Variants in TAFA4 observed in about 807,000 individuals in gnomAD.
TAFA4 encodes the protein TAFA chemokine like family member 4, also known as chemokine-like protein TAFA-4.
TAFA4 carries 20 observed loss-of-function variants against 21.1 expected under a neutral mutation model. The ratio of observed to expected loss-of-function variants is 0.95; its 90% CI spans 0.67 to 1.38. TAFA4 has a LOEUF of 1.38. TAFA4 is among the 40% of genes most tolerant of loss of function. The pLI, the probability that TAFA4 is intolerant of heterozygous loss-of-function variation, is 0.00. For synonymous variants in TAFA4, 71 were observed against 67.4 expected (o/e 1.05, Z -0.26); for missense variants, 211 against 180.9 (o/e 1.17, Z -0.95).
At chr3:68,843,092 G>C (rs1704702556) in intron 3 of TAFA4, among the ~76,000 whole-genome samples, 3 of 152,118 alleles carry the variant, frequency 2.0e-5, no homozygotes, top group Admixed American at 1.3e-4. Context: ...GTGGTTTGTT[G>C]GGGATAGCGT....
chr3:68,818,187 G>A (rs1344154998), intron 3 of TAFA4, among the ~76,000 whole-genome samples: 1 of 152,116 alleles, frequency 6.6e-6, no homozygotes, highest in Non-Finnish European at 1.5e-5. Context: ...TTATGGAAAT[G>A]GCTTCTTTCT....
At chr3:68,863,899 T>C (rs1057248285) in intron 3 of TAFA4, among the ~76,000 whole-genome samples, 4 of 152,102 alleles carry the variant, frequency 2.6e-5, no homozygotes, top group Non-Finnish European at 5.9e-5. Flanking sequence ...CAATGTATAA[T>C]GAGCACTTTT....
chr3:68,791,841 G>A (rs1169469910), intron 3 of TAFA4, among the ~76,000 whole-genome samples: 1 of 152,182 alleles, frequency 6.6e-6, no homozygotes, highest in Non-Finnish European at 1.5e-5. Context: ...TGAAACTTTT[G>A]TTAGAAACTA....
chr3:68,874,568 G>A (rs1176185623), intron 3 of TAFA4, among the ~76,000 whole-genome samples: 22 of 152,078 alleles, frequency 1.4e-4, no homozygotes, highest in Admixed American at 1.1e-3. Flanking sequence ...GTCTAAGGCC[G>A]TGGCTTGAAA....
chr3:68,849,677 A>G (rs1704896364), intron 3 of TAFA4, among the ~76,000 whole-genome samples: 1 of 152,202 alleles, frequency 6.6e-6, no homozygotes, highest in South Asian at 2.1e-4. Flanking sequence ...ATCTATAATC[A>G]TGACGTATAA....
intron 1 of TAFA4, among the ~76,000 whole-genome samples, chr3:68,890,113 T>G (rs2106963850): frequency 6.6e-6 from 1 of 152,294 alleles, no homozygotes; most frequent in African/African-American, 2.4e-5. Flanking sequence ...AAGAGGCAAA[T>G]GCCTCCCATT....
At chr3:68,740,853 CT>C (rs1268403957) in intron 4 of TAFA4, among the ~76,000 whole-genome samples, 10 of 152,164 alleles carry the variant, frequency 6.6e-5, no homozygotes, top group Non-Finnish European at 1.5e-4. Context: ...TAACTTCATT[CT>C]TTTGCATGGG....
At chr3:68,812,371 C>T (rs1482834959) in intron 3 of TAFA4, among the ~76,000 whole-genome samples, 2 of 152,142 alleles carry the variant, frequency 1.3e-5, no homozygotes, top group Non-Finnish European at 2.9e-5. Context: ...TTAAAAGACA[C>T]AGACTGGCAA....
chr3:68,929,364 G>A (rs764572141), intron 1 of TAFA4, among the ~76,000 whole-genome samples: 2 of 152,158 alleles, frequency 1.3e-5, no homozygotes, highest in East Asian at 1.9e-4. Context: ...TGCCTGAATC[G>A]TGAATCTTGT....
chr3:68,783,696 A>AGAGAGAGG (rs1204382129), intron 3 of TAFA4, among the ~76,000 whole-genome samples: 1 of 123,896 alleles, frequency 8.1e-6, no homozygotes, highest in African/African-American at 3.0e-5. Context: ...AGAGAGAGAG[A>AGAGAGAGG]GAGAGAGAGA....
intron 3 of TAFA4, among the ~76,000 whole-genome samples, chr3:68,843,859 G>T (rs1268984393): frequency 6.6e-6 from 1 of 152,240 alleles, no homozygotes; most frequent in African/African-American, 2.4e-5. Context: ...GCATCCCAGG[G>T]ATGAAGCCAA....
chr3:68,769,765 CATA>C (rs1233033040), intron 3 of TAFA4, among the ~76,000 whole-genome samples: 1 of 152,128 alleles, frequency 6.6e-6, no homozygotes, highest in Non-Finnish European at 1.5e-5. Flanking sequence ...GTAGCATCCT[CATA>C]ATATTTAATT....
At chr3:68,885,144 C>T (rs1575657682) in intron 2 of TAFA4, 31 bp downstream of exon 2, 2 of 1,608,866 alleles carry the variant, frequency 1.2e-6, no homozygotes, top group Non-Finnish European at 1.7e-6. Flanking sequence ...GTAAAGATAT[C>T]ATGTCCAGGT....
chr3:68,819,187 C>T (rs1360887115), intron 3 of TAFA4, among the ~76,000 whole-genome samples: 6 of 150,018 alleles, frequency 4.0e-5, no homozygotes, highest in Non-Finnish European at 3.0e-5. Flanking sequence ...GGGAGAACCA[C>T]TTGAGCCTGG....
chr3:68,756,869 G>A (rs1178735317), intron 3 of TAFA4, among the ~76,000 whole-genome samples: 1 of 152,220 alleles, frequency 6.6e-6, no homozygotes, highest in Admixed American at 6.5e-5. Flanking sequence ...TGTCAGTAAA[G>A]TAGTATGAAA....
intron 3 of TAFA4, among the ~76,000 whole-genome samples, chr3:68,810,049 T>C (rs1209683076): frequency 6.6e-6 from 1 of 152,234 alleles, no homozygotes. Flanking sequence ...TTGCTTTGAC[T>C]ATTCAGGGTC....
intron 3 of TAFA4, 84 bp from the exon 4 acceptor site, chr3:68,753,102 C>CA: frequency 7.9e-7 from 1 of 1,272,886 alleles, no homozygotes; most frequent in South Asian, 1.4e-5. Context: ...GCTATGATGA[C>CA]ATTTTCCAAC....
At chr3:68,813,596 C>G (rs1025717291) in intron 3 of TAFA4, among the ~76,000 whole-genome samples, 7 of 152,182 alleles carry the variant, frequency 4.6e-5, no homozygotes, top group African/African-American at 1.7e-4. Context: ...AACACGTACA[C>G]CCTCCCAAGA....
intron 5 of TAFA4, among the ~76,000 whole-genome samples, 177 bp downstream of exon 5, chr3:68,738,896 GAC>G (rs1258163384): frequency 6.6e-6 from 1 of 152,116 alleles, no homozygotes; most frequent in African/African-American, 2.4e-5. Flanking sequence ...TATAAAATCT[GAC>G]ACACAGAATG....
Sources: gnomAD v4.1 joint callset for allele counts (sites outside exome capture counted in the v4.1 genomes callset) on GRCh38, gnomAD v4.1.1 for gene constraint, MANE v1.5 for transcripts, NCBI Gene and HGNC (gene_info 2026-07-23, HGNC 2026-07-21) for gene names.